PARN: variants seen among roughly 807,000 people sequenced by gnomAD.
PARN encodes the protein poly(A)-specific ribonuclease, also known as poly(A)-specific ribonuclease PARN.
Under a neutral mutation model 102.8 loss-of-function variants are expected in PARN, and 71 were observed. That is an observed-to-expected ratio of 0.69 (90% CI 0.57 to 0.84). The LOEUF (loss-of-function observed/expected upper bound fraction) is 0.84, where lower values mean the gene tolerates loss of function less well. Among genes scored for constraint, PARN ranks in the 40% least tolerant of loss-of-function variants. PARN has a pLI of 0.00. For synonymous variants in PARN, 261 were observed against 252.9 expected (o/e 1.03, Z -0.30); for missense variants, 782 against 760.9 (o/e 1.03, Z -0.33).
At position 14,616,565 on chromosome 16, in the gene PARN, G is replaced by A. The variant is rs192244585; in HGVS notation, c.388+1025C>T. Among the ~76,000 whole-genome samples the A allele has an allele frequency of 2.0e-3, 301 of 152,276 alleles. 2 individuals are homozygous for A. The highest frequency in any genetic ancestry group is 6.9e-3 in the African/African-American group (288 of 41,578). On this transcript the variant is annotated intron_variant, in intron 6 of 23. Coordinates refer to ENST00000437198, the MANE Select transcript of PARN (RefSeq NM_002582.4). ...GTTTGGGACCAGCCTGGGCAATGGC[G>A]AAATCCCATTTCTACAAAAAATTCG...
At chr16:14,484,966 C>G (rs113874139) in intron 21 of PARN, among the ~76,000 whole-genome samples, 2 of 151,938 alleles carry the variant, frequency 1.3e-5, no homozygotes, top group African/African-American at 2.4e-5. Flanking sequence ...CACTTGTAAT[C>G]CCAGCACTTT....
intron 5 of PARN, among the ~76,000 whole-genome samples, chr16:14,620,577 G>A (rs1245892419): frequency 1.3e-5 from 2 of 152,098 alleles, no homozygotes; most frequent in African/African-American, 2.4e-5. Flanking sequence ...TTCCTGCACT[G>A]TACTTTGACA....
intron 21 of PARN, among the ~76,000 whole-genome samples, chr16:14,533,224 C>T (rs1966447389): frequency 1.3e-5 from 2 of 152,074 alleles, no homozygotes; most frequent in Non-Finnish European, 1.5e-5. Context: ...GCCAACACAG[C>T]GAAACCCCGT....
At chr16:14,619,765 C>T (rs1452498588) in intron 5 of PARN, among the ~76,000 whole-genome samples, 2 of 150,392 alleles carry the variant, frequency 1.3e-5, no homozygotes, top group African/African-American at 2.4e-5. Context: ...CAAGTCTCTG[C>T]CTCTTAAAAA....
rs185720988 is a variant in PARN, at chr16:14,512,953, G to C, written c.1481-30126C>G. On this transcript the variant is annotated intron_variant, in intron 21 of 23. Transcript: ENST00000437198. ...ATCATTATTTTTGAGATGGAGTCTC[G>C]CTCTGTCACCCAAACTGGAGTGCAG... 2.9e-3 allele frequency among the ~76,000 whole-genome samples: 443 copies of C among 152,100 alleles called. 4 individuals carry two copies. The highest frequency in any genetic ancestry group is 0.013 in the Admixed American group (192 of 15,268).
intron 18 of PARN, among the ~76,000 whole-genome samples, chr16:14,559,295 AT>A (rs1259264375): frequency 6.6e-6 from 1 of 151,316 alleles, no homozygotes; most frequent in Non-Finnish European, 1.5e-5. Context: ...TTTGAAAAAT[AT>A]TTTTTGTCAA....
chr16:14,620,109 G>A (rs905695309), intron 5 of PARN, among the ~76,000 whole-genome samples: 4 of 147,448 alleles, frequency 2.7e-5, no homozygotes, highest in Non-Finnish European at 4.5e-5. Flanking sequence ...CGGGCACAGT[G>A]GCTCATGCCT....
intron 21 of PARN, 134 bp downstream of exon 21, chr16:14,551,887 G>T: frequency 1.6e-6 from 1 of 609,548 alleles, no homozygotes; most frequent in Non-Finnish European, 3.0e-6. Context: ...ATTTATTTCA[G>T]AGACAATCTC....
At chr16:14,603,617 A>G (rs577471494) in intron 11 of PARN, among the ~76,000 whole-genome samples, 11 of 152,120 alleles carry the variant, frequency 7.2e-5, no homozygotes, top group Middle Eastern at 3.4e-3. Flanking sequence ...TTCCATCTAC[A>G]CTGCTACTCA....
intron 22 of PARN, among the ~76,000 whole-genome samples, chr16:14,463,800 T>C (rs1343658983): frequency 7.1e-6 from 1 of 139,960 alleles, no homozygotes; most frequent in African/African-American, 2.6e-5. Flanking sequence ...AAAAAATCTT[T>C]CAAAATAATG....
At chr16:14,492,286 C>G (rs1430950252) in intron 21 of PARN, among the ~76,000 whole-genome samples, 1 of 152,188 alleles carries the variant, frequency 6.6e-6, no homozygotes, top group Non-Finnish European at 1.5e-5. Flanking sequence ...GCCTCCATGG[C>G]AGCGCCTGAC....
At chr16:14,463,490 G>C (rs1596456648) in intron 22 of PARN, among the ~76,000 whole-genome samples, 1 of 152,138 alleles carries the variant, frequency 6.6e-6, no homozygotes. Flanking sequence ...TCAATGAACT[G>C]AAAGTGATGT....
intron 10 of PARN, among the ~76,000 whole-genome samples, chr16:14,605,606 T>C (rs1414031642): frequency 2.0e-5 from 3 of 152,350 alleles, no homozygotes; most frequent in South Asian, 4.1e-4. Flanking sequence ...CTTTCTCATA[T>C]ATTTTGTGTC....
At chr16:14,545,486 A>T (rs1296938294) in intron 21 of PARN, among the ~76,000 whole-genome samples, 3 of 146,194 alleles carry the variant, frequency 2.1e-5, no homozygotes, top group African/African-American at 7.3e-5. Context: ...TATTTAAAAC[A>T]TACGTATAAA....
At chr16:14,561,737 A>C (rs184761603) in intron 18 of PARN, among the ~76,000 whole-genome samples, 2 of 152,320 alleles carry the variant, frequency 1.3e-5, no homozygotes, top group African/African-American at 4.8e-5. Context: ...TGACTCCATG[A>C]ATTTGAGGCT....
intron 5 of PARN, among the ~76,000 whole-genome samples, chr16:14,617,958 C>T (rs1972033029): frequency 6.6e-6 from 1 of 152,158 alleles, no homozygotes; most frequent in Non-Finnish European, 1.5e-5. Flanking sequence ...CCTCCTGCCT[C>T]GGCCTCCCAA....
chr16:14,462,935 C>A (rs916726394), intron 22 of PARN, among the ~76,000 whole-genome samples: 1 of 152,160 alleles, frequency 6.6e-6, no homozygotes, highest in Non-Finnish European at 1.5e-5. Flanking sequence ...CGAGGTGAAC[C>A]CAGTGACTGC....
rs752897448 is a variant in PARN at position 14,541,334 on chromosome 16, GTC to G, written c.1480+10685_1480+10686del. On this transcript the variant is annotated intron_variant, in intron 21 of 23. Coordinates refer to ENST00000437198, the MANE Select transcript of PARN (RefSeq NM_002582.4). ...ATATTGGTATATAGACCCAGCCCAA[GTC>G]TCTGGTTGACCCTAAACCATGCATG... is the stretch of plus-strand genomic sequence containing the variant. 1.5e-3 allele frequency among the ~76,000 whole-genome samples: 231 copies of G among 152,198 alleles called. 1 individual carries two copies. The highest frequency in any genetic ancestry group is 1.7e-3 in the Non-Finnish European group (118 of 68,010).
intron 21 of PARN, among the ~76,000 whole-genome samples, chr16:14,492,452 C>T (rs1964107257): frequency 6.6e-6 from 1 of 152,156 alleles, no homozygotes; most frequent in Non-Finnish European, 1.5e-5. Context: ...TGGACCCTCA[C>T]CATGGTGAGG....
Sources: gnomAD v4.1 joint callset for allele counts (sites outside exome capture counted in the v4.1 genomes callset) on GRCh38, gnomAD v4.1.1 for gene constraint, MANE v1.5 for transcripts, NCBI Gene and HGNC (gene_info 2026-07-23, HGNC 2026-07-21) for gene names.